The following CUL1 variants were observed in gnomAD, a reference collection of about 807,000 sequenced individuals.
CUL1 encodes the protein cullin-1.
CUL1 carries 24 observed loss-of-function variants against 118.0 expected under a neutral mutation model. That is an observed-to-expected ratio of 0.20 (90% CI 0.15 to 0.29). CUL1 has a LOEUF of 0.29. Among genes scored for constraint, CUL1 ranks in the 10% least tolerant of loss-of-function variants. The pLI, the probability that CUL1 is intolerant of heterozygous loss-of-function variation, is 1.00. For synonymous variants in CUL1, 332 were observed against 340.4 expected, an observed-to-expected ratio of 0.98 and a Z score of 0.27; for missense variants, 361 against 933.8, an observed-to-expected ratio of 0.39 and a Z score of 7.99.
At chr7:148,721,303 A>G (rs1798388069) in intron 1 of CUL1, among the ~76,000 whole-genome samples, 1 of 152,196 alleles carries the variant, frequency 6.6e-6, no homozygotes, top group African/African-American at 2.4e-5. Flanking sequence ...CTTCTTCCCA[A>G]ACCCATCGTT....
intron 1 of CUL1, among the ~76,000 whole-genome samples, chr7:148,716,515 C>T (rs992205617): frequency 6.6e-5 from 10 of 152,178 alleles, no homozygotes; most frequent in Admixed American, 1.3e-4. Flanking sequence ...CCCCTGAAAT[C>T]CGCCCATGGA....
At chr7:148,744,759 T>A (rs1035376896) in intron 2 of CUL1, among the ~76,000 whole-genome samples, 2 of 152,232 alleles carry the variant, frequency 1.3e-5, no homozygotes, top group Non-Finnish European at 2.9e-5. Flanking sequence ...TAGTGTCAGT[T>A]TGCTTCCACC....
chr7:148,708,864 CTT>C (rs1183060962), intron 1 of CUL1, among the ~76,000 whole-genome samples: 1 of 152,168 alleles, frequency 6.6e-6, no homozygotes, highest in Admixed American at 6.5e-5. Context: ...GTTGTGTTAA[CTT>C]TGAGGTTTTG....
At chr7:148,789,005 G>GT (rs975862991) in intron 14 of CUL1, among the ~76,000 whole-genome samples, 2 of 152,094 alleles carry the variant, frequency 1.3e-5, no homozygotes, top group African/African-American at 4.8e-5. Flanking sequence ...GCCTGCATAG[G>GT]TAACAGTCAA....
At chr7:148,728,474 G>A (rs746858534) in intron 1 of CUL1, among the ~76,000 whole-genome samples, 6 of 152,116 alleles carry the variant, frequency 3.9e-5, no homozygotes, top group Non-Finnish European at 5.9e-5. Context: ...TGCACCACCA[G>A]TCCAAAACAT....
chr7:148,789,408 G>A (rs895282169), intron 14 of CUL1, among the ~76,000 whole-genome samples: 3 of 151,902 alleles, frequency 2.0e-5, no homozygotes, highest in Admixed American at 6.6e-5. Flanking sequence ...TGATGATGCC[G>A]GGCCTGGCAA....
chr7:148,743,343 G>T (rs1799205901), intron 2 of CUL1, among the ~76,000 whole-genome samples: 1 of 152,176 alleles, frequency 6.6e-6, no homozygotes, highest in Non-Finnish European at 1.5e-5. Flanking sequence ...ATATTGTCCT[G>T]TTGGTAGCTT....
At chr7:148,766,056 C>T (rs1267095203) in intron 7 of CUL1, among the ~76,000 whole-genome samples, 4 of 152,212 alleles carry the variant, frequency 2.6e-5, no homozygotes, top group African/African-American at 9.6e-5. Flanking sequence ...ATACGTATTA[C>T]AGAGAAAATG....
rs369401540 is a variant in CUL1, at chr7:148,799,403, A to G, written c.2250+15A>G. 8.7e-6 allele frequency: 13 copies of G among 1,489,658 alleles called. No individual in the cohort carries two copies. Among genetic ancestry groups the G allele is most frequent in the East Asian group, 2.3e-5 (1 of 44,262 alleles). 92.3% of individuals were successfully genotyped at this position (1,489,658 alleles called of 1,614,324 possible). On this transcript the variant is annotated intron_variant, in intron 21 of 21. Transcript: ENST00000325222. ...CTGTGATCAAGGTACAGGACTTTAC[A>G]TAGCAGTCACATTCCTTTCTTAATT...
intron 2 of CUL1, among the ~76,000 whole-genome samples, chr7:148,739,068 A>G (rs1207630663): frequency 1.3e-5 from 2 of 152,188 alleles, no homozygotes; most frequent in Non-Finnish European, 2.9e-5. Flanking sequence ...CTTCAGGAAA[A>G]TGGCACACCT....
At chr7:148,711,933 T>C (rs901173379) in intron 1 of CUL1, among the ~76,000 whole-genome samples, 1 of 152,208 alleles carries the variant, frequency 6.6e-6, no homozygotes, top group African/African-American at 2.4e-5. Flanking sequence ...TTTACGGAAG[T>C]GGACCTCACG....
intron 1 of CUL1, among the ~76,000 whole-genome samples, chr7:148,725,192 C>T (rs887299452): frequency 1.3e-5 from 2 of 149,610 alleles, no homozygotes; most frequent in African/African-American, 2.5e-5. Flanking sequence ...CGCACATGCG[C>T]GCGTGTACAC....
chr7:148,749,831 C>T (rs1275471326), intron 2 of CUL1, among the ~76,000 whole-genome samples: 10 of 152,222 alleles, frequency 6.6e-5, no homozygotes, highest in Non-Finnish European at 2.9e-5. Flanking sequence ...AGCTAGGCCT[C>T]TTGTGCTAAA....
intron 1 of CUL1, among the ~76,000 whole-genome samples, chr7:148,725,219 G>GCGCGCGCGCACACACACACACACACACA: frequency 5.0e-5 from 7 of 140,150 alleles, no homozygotes; most frequent in Non-Finnish European, 7.6e-5. Context: ...ACACGCGCGC[G>GCGCGCGCGCACACACACACACACACACA]CTCACACACA....
intron 1 of CUL1, among the ~76,000 whole-genome samples, chr7:148,706,547 CAA>C (rs979241716): frequency 6.6e-6 from 1 of 151,540 alleles, no homozygotes; most frequent in Non-Finnish European, 1.5e-5. Context: ...ACAAGGGACT[CAA>C]AACACACAAA....
At chr7:148,753,099 A>G (rs1431158953) in intron 2 of CUL1, among the ~76,000 whole-genome samples, 1 of 152,238 alleles carries the variant, frequency 6.6e-6, no homozygotes, top group Non-Finnish European at 1.5e-5. Context: ...GGAATATAAC[A>G]TGGAATATTT....
intron 1 of CUL1, among the ~76,000 whole-genome samples, chr7:148,727,109 C>T (rs1304611480): frequency 1.3e-5 from 2 of 152,176 alleles, no homozygotes; most frequent in Non-Finnish European, 2.9e-5. Flanking sequence ...ATGCCTAGGA[C>T]AGTGCCTGGC....
At chr7:148,794,746 G>A (rs1410052986) in intron 17 of CUL1, among the ~76,000 whole-genome samples, 2 of 152,158 alleles carry the variant, frequency 1.3e-5, no homozygotes, top group Non-Finnish European at 2.9e-5. Flanking sequence ...TTTCAACTGT[G>A]TCTCATGGTT....
At chr7:148,799,762 A>C (rs1759723011) in intron 21 of CUL1, among the ~76,000 whole-genome samples, 1 of 151,966 alleles carries the variant, frequency 6.6e-6, no homozygotes, top group Admixed American at 6.6e-5. Flanking sequence ...ACATAAACAG[A>C]TTCTAGAGCA....
Sources: allele counts gnomAD v4.1 joint callset (sites outside exome capture counted in the v4.1 genomes callset), GRCh38; gene constraint gnomAD v4.1.1; transcripts MANE v1.5; gene names NCBI Gene and HGNC (gene_info 2026-07-23, HGNC 2026-07-21).